The following TEX14 variants were observed in gnomAD, a reference collection of about 807,000 sequenced individuals.
TEX14 encodes inactive serine/threonine-protein kinase TEX14.
Under a neutral mutation model 178.6 loss-of-function variants are expected in TEX14, and 168 were observed. The ratio of observed to expected loss-of-function variants is 0.94; its 90% confidence interval spans 0.83 to 1.07. The LOEUF (loss-of-function observed/expected upper bound fraction) is 1.07. Among genes scored for constraint, TEX14 ranks in the 50% least tolerant of loss-of-function variants. The probability of loss-of-function intolerance (pLI) is 0.00; values close to 1 mark genes in which losing one functional copy is unlikely to be tolerated. For missense variants in TEX14, 1,730 were observed against 1,753.6 expected, an observed-to-expected ratio of 0.99 and a Z score of 0.24; for synonymous variants, 626 against 634.1, an observed-to-expected ratio of 0.99 and a Z score of 0.19.
intron 2 of TEX14, among the ~76,000 whole-genome samples, chr17:58,649,183 G>C (rs1598417408): frequency 1.4e-5 from 2 of 143,192 alleles, no homozygotes; most frequent in Admixed American, 7.0e-5. Context: ...AGGTTCAAGT[G>C]ATTCTCCTGC....
chr17:58,579,432 A>C (rs1293398884), intron 20 of TEX14, among the ~76,000 whole-genome samples: 1 of 152,196 alleles, frequency 6.6e-6, no homozygotes, highest in Non-Finnish European at 1.5e-5. Flanking sequence ...ATTTGCTATA[A>C]AAATGCAAGG....
At chr17:58,557,910 C>T in intron 30 of TEX14, 60 bp from the exon 31 acceptor site, 1 of 1,359,496 alleles carries the variant, frequency 7.4e-7, no homozygotes, top group Non-Finnish European at 1.0e-6. Flanking sequence ...TCAAAGGGTG[C>T]CAGTATTCAT....
At position 58,584,567 on chromosome 17, in the gene TEX14, T is replaced by TG; in HGVS notation, c.3103dup (p.Gln1035ProfsTer5). 1 of 1,614,174 alleles carries TG rather than the reference T, an allele frequency of 6.2e-7. No individual in the cohort carries two copies. Among genetic ancestry groups the TG allele is most frequent in the Non-Finnish European group, 8.5e-7 (1 of 1,180,000 alleles). On this transcript the variant is annotated frameshift_variant, in exon 19 of 32. Coordinates refer to ENST00000349033, the MANE Select transcript of TEX14 (RefSeq NM_031272.5). LOFTEE classifies it high-confidence loss of function. ...TTGGAAGGCTTCACTATGCTCTGGT[T>TG]GCTCCTTTTGTCTGGGAGATGGGTG...
At chr17:58,592,130 C>A (rs1474620249) in intron 15 of TEX14, among the ~76,000 whole-genome samples, 1 of 150,992 alleles carries the variant, frequency 6.6e-6, no homozygotes, top group African/African-American at 2.4e-5. Context: ...TAATACCTAA[C>A]TAAATTTAAA....
At chr17:58,619,408 C>T (rs2045946253) in intron 5 of TEX14, among the ~76,000 whole-genome samples, 1 of 152,234 alleles carries the variant, frequency 6.6e-6, no homozygotes, top group Admixed American at 6.5e-5. Context: ...TTTCCCCAGT[C>T]CAAGCTCTGT....
At chr17:58,637,768 C>G (rs186512971) in intron 2 of TEX14, among the ~76,000 whole-genome samples, 7 of 152,016 alleles carry the variant, frequency 4.6e-5, no homozygotes, top group Admixed American at 4.6e-4. Flanking sequence ...ATGAGCCACT[C>G]TAGCAAATTA....
intron 1 of TEX14, among the ~76,000 whole-genome samples, chr17:58,680,887 C>G (rs551485074): frequency 6.6e-6 from 1 of 152,316 alleles, no homozygotes; most frequent in Admixed American, 6.5e-5. Flanking sequence ...ATCTTCTCTT[C>G]TGCCAAAATA....
intron 1 of TEX14, chr17:58,675,339 AAAG>A (rs2047378612): frequency 6.5e-6 from 1 of 153,964 alleles, no homozygotes; most frequent in South Asian, 1.7e-4. Context: ...CTAAAACTAC[AAAG>A]AAGATTGTGC....
At chr17:58,622,601 G>A (rs1415513553) in intron 4 of TEX14, among the ~76,000 whole-genome samples, 4 of 152,162 alleles carry the variant, frequency 2.6e-5, no homozygotes, top group Non-Finnish European at 4.4e-5. Flanking sequence ...TCTGAGTCAT[G>A]GTAAGTGCTA....
intron 25 of TEX14, 97 bp downstream of exon 25, chr17:58,570,288 A>C (rs1429323683): frequency 2.8e-6 from 2 of 712,884 alleles, no homozygotes; most frequent in African/African-American, 1.8e-5. Context: ...GGAAAACAGC[A>C]TTTCTGTCTG....
At chr17:58,627,543 G>A (rs1038369069) in intron 3 of TEX14, among the ~76,000 whole-genome samples, 1 of 152,096 alleles carries the variant, frequency 6.6e-6, no homozygotes, top group African/African-American at 2.4e-5. Flanking sequence ...GGCGGAGGCT[G>A]GTGGATCACC....
Position 58,617,599 on chromosome 17 carries a change from T to A in TEX14, c.575A>T (p.Asn192Ile). 1 of 1,613,166 alleles carries A rather than the reference T, an allele frequency of 6.2e-7. No individual in the cohort carries two copies. The highest frequency in any genetic ancestry group is 8.5e-7 in the Non-Finnish European group (1 of 1,179,366). The change falls in exon 6 of 32, where the codon AAC (asparagine) becomes ATC (isoleucine). Residue 192 changes from asparagine (N) to isoleucine (I), a missense_variant. Transcript: ENST00000349033. Reference protein sequence around the residue: ...LVQGNPNGSPNRLLKAGVISA... With the variant: ...LVQGNPNGSPIRLLKAGVISA... The stretch of plus-strand genomic sequence containing the variant: ...AATGACTCCAGCTTTAAGCAGTCGG[T>A]TAGGAGAGCCATTAGGGTTTCTAGA...
chr17:58,628,118 C>G (rs981125292), intron 3 of TEX14, among the ~76,000 whole-genome samples: 2 of 151,914 alleles, frequency 1.3e-5, no homozygotes, highest in Non-Finnish European at 2.9e-5. Context: ...GTGTGTGAGT[C>G]TAGAAAAATT....
chr17:58,618,007 T>C (rs2045912286), intron 5 of TEX14, among the ~76,000 whole-genome samples: 1 of 152,202 alleles, frequency 6.6e-6, no homozygotes, highest in Admixed American at 6.5e-5. Flanking sequence ...GGAGGCTCAA[T>C]GCCCAGCACC....
chr17:58,664,422 A>T (rs935782975), intron 1 of TEX14, among the ~76,000 whole-genome samples: 5 of 152,140 alleles, frequency 3.3e-5, no homozygotes, highest in African/African-American at 9.7e-5. Flanking sequence ...ATATTCTTGA[A>T]TTTCTTTGCT....
chr17:58,650,825 G>T (rs1276063601), intron 2 of TEX14, among the ~76,000 whole-genome samples: 1 of 152,162 alleles, frequency 6.6e-6, no homozygotes, highest in Non-Finnish European at 1.5e-5. Flanking sequence ...GAAAATTGGG[G>T]TTACCTTTCT....
chr17:58,602,351 T>G (rs2045473412), intron 12 of TEX14, 49 bp downstream of exon 12: 3 of 1,532,152 alleles, frequency 2.0e-6, no homozygotes, highest in Middle Eastern at 1.8e-4. Context: ...CTCCCTATTC[T>G]CCTGAGTTAG....
intron 11 of TEX14, 102 bp from the exon 12 acceptor site, chr17:58,602,692 T>A: frequency 1.2e-6 from 1 of 811,014 alleles, no homozygotes; most frequent in Non-Finnish European, 1.9e-6. Flanking sequence ...GCAAGTCACT[T>A]AACTTCTTTA....
chr17:58,614,465 G>A (rs1045454987), intron 8 of TEX14, among the ~76,000 whole-genome samples: 1 of 152,178 alleles, frequency 6.6e-6, no homozygotes. Context: ...ACTCCAGCCT[G>A]GGCAACAGAG....
Sources: allele counts gnomAD v4.1 joint callset (sites outside exome capture counted in the v4.1 genomes callset), GRCh38; gene constraint gnomAD v4.1.1; transcripts MANE v1.5; gene names NCBI Gene and HGNC (gene_info 2026-07-23, HGNC 2026-07-21).